Variants in ROBO2 observed in about 807,000 individuals in gnomAD.
ROBO2 encodes roundabout homolog 2.
A neutral mutation model predicts 160.8 loss-of-function variants in ROBO2; 53 were observed. That is an observed-to-expected ratio of 0.33 (90% confidence interval 0.26 to 0.41). ROBO2 has a LOEUF of 0.41. Among genes scored for constraint, ROBO2 ranks in the 10% least tolerant of loss-of-function variants. ROBO2 has a pLI of 1.00. For missense variants in ROBO2, 1,577 were observed against 1,722.4 expected, an observed-to-expected ratio of 0.92 and a Z score of 1.49; for synonymous variants, 664 against 611.7, an observed-to-expected ratio of 1.09 and a Z score of -1.26.
At chr3:76,654,929 T>TATATATATATATATATATA (rs5850279) in intron 2 of ROBO2, among the ~76,000 whole-genome samples, 73 of 141,436 alleles carry the variant, frequency 5.2e-4, no homozygotes, top group Non-Finnish European at 7.5e-4. Flanking sequence ...ATATATATAT[T>TATATATATATATATATATA]TATATATATA....
intron 2 of ROBO2, among the ~76,000 whole-genome samples, chr3:76,497,714 G>T (rs2080231220): frequency 6.6e-6 from 1 of 152,134 alleles, no homozygotes; most frequent in African/African-American, 2.4e-5. Flanking sequence ...CTATAATATG[G>T]GTGGGCATCC....
chr3:76,881,317 A>G (rs2073317146), intron 2 of ROBO2, among the ~76,000 whole-genome samples: 2 of 152,314 alleles, frequency 1.3e-5, no homozygotes, highest in South Asian at 2.1e-4. Flanking sequence ...ATGTATTTCT[A>G]TGTCTTAGAG....
At chr3:77,102,764 G>A (rs1214309587) in intron 2 of ROBO2, among the ~76,000 whole-genome samples, 1 of 143,790 alleles carries the variant, frequency 7.0e-6, no homozygotes, top group Non-Finnish European at 1.5e-5. Flanking sequence ...TTATGTTCTG[G>A]AACAATACAG....
intron 2 of ROBO2, among the ~76,000 whole-genome samples, chr3:76,148,689 A>T (rs1285041760): frequency 1.3e-5 from 2 of 152,014 alleles, no homozygotes; most frequent in Non-Finnish European, 2.9e-5. Flanking sequence ...GTAATAAGAA[A>T]ATTAGGAATC....
In ROBO2 at chr3:76,215,385, C is replaced by G. The variant is rs188492719; in HGVS notation, c.109+277783C>G. ...TCCGATCTAAAGGAGGAAGTTCGAA[C>G]CATGGCAAAGAAGTTAAAAACTTTG... is the stretch of plus-strand genomic sequence containing the variant. On this transcript the variant is annotated intron_variant, in intron 2 of 26. Coordinates refer to the ROBO2 transcript ENST00000487694. Among the ~76,000 whole-genome samples the G allele has an allele frequency of 5.3e-3, 806 of 152,168 alleles. 13 individuals are homozygous for G. The highest frequency in any genetic ancestry group is 0.019 in the African/African-American group (772 of 41,514).
At chr3:77,303,694 A>T (rs950805845) in intron 2 of ROBO2, among the ~76,000 whole-genome samples, 1 of 152,102 alleles carries the variant, frequency 6.6e-6, no homozygotes, top group Non-Finnish European at 1.5e-5. Context: ...AATTGTATTC[A>T]TCATTACACA....
At chr3:76,214,731 TG>T (rs1040573150) in intron 2 of ROBO2, among the ~76,000 whole-genome samples, 1 of 152,202 alleles carries the variant, frequency 6.6e-6, no homozygotes, top group African/African-American at 2.4e-5. Flanking sequence ...GCTCCACCTC[TG>T]GGGGCAGGGC....
chr3:76,086,247 G>A (rs558102287), intron 2 of ROBO2, among the ~76,000 whole-genome samples: 109 of 152,192 alleles, frequency 7.2e-4, no homozygotes, highest in African/African-American at 2.4e-3. Context: ...AAAGCGAAGC[G>A]GAGGAAAAGC....
chr3:76,282,187 TGTTTA>T (rs1199381617), intron 2 of ROBO2, among the ~76,000 whole-genome samples: 1 of 152,046 alleles, frequency 6.6e-6, no homozygotes, highest in Non-Finnish European at 1.5e-5. Context: ...GATTTCCAAC[TGTTTA>T]GTTGGGGGTT....
chr3:76,804,118 C>T (rs1159528090), intron 2 of ROBO2, among the ~76,000 whole-genome samples: 2 of 152,064 alleles, frequency 1.3e-5, no homozygotes, highest in African/African-American at 2.4e-5. Flanking sequence ...GAGTGATGGT[C>T]ACATTCTCTT....
intron 2 of ROBO2, among the ~76,000 whole-genome samples, chr3:77,161,381 A>G (rs576394874): frequency 1.3e-5 from 2 of 152,318 alleles, no homozygotes; most frequent in South Asian, 2.1e-4. Context: ...TTAATTTAGT[A>G]TAGTATTAAA....
At chr3:76,504,491 A>G (rs1331127413) in intron 2 of ROBO2, among the ~76,000 whole-genome samples, 1 of 148,998 alleles carries the variant, frequency 6.7e-6, no homozygotes, top group African/African-American at 2.5e-5. Flanking sequence ...CCTTCACTAA[A>G]TGTTCATCAG....
At chr3:77,326,060 A>G (rs1430509477) in intron 2 of ROBO2, among the ~76,000 whole-genome samples, 6 of 152,220 alleles carry the variant, frequency 3.9e-5, no homozygotes, top group Admixed American at 1.3e-4. Context: ...GAAAATAGCA[A>G]TTAGCACCTT....
intron 2 of ROBO2, among the ~76,000 whole-genome samples, chr3:77,413,340 G>T (rs531336015): frequency 6.6e-6 from 1 of 152,236 alleles, no homozygotes; most frequent in South Asian, 2.1e-4. Flanking sequence ...CGAAAAGCGA[G>T]GAGTTCCATG....
At chr3:77,211,486 C>A (rs1455084540) in intron 2 of ROBO2, among the ~76,000 whole-genome samples, 1 of 152,124 alleles carries the variant, frequency 6.6e-6, no homozygotes, top group Non-Finnish European at 1.5e-5. Context: ...TGGATATTAG[C>A]CCTTTGTCAG....
At chr3:76,142,949 T>TAA (rs986579555) in intron 2 of ROBO2, among the ~76,000 whole-genome samples, 1 of 151,806 alleles carries the variant, frequency 6.6e-6, no homozygotes, top group African/African-American at 2.4e-5. Flanking sequence ...CCCACAAAAA[T>TAA]AAAAATAAAA....
chr3:76,546,882 C>G (rs1490409277), intron 2 of ROBO2, among the ~76,000 whole-genome samples: 2 of 151,804 alleles, frequency 1.3e-5, no homozygotes, highest in African/African-American at 4.8e-5. Flanking sequence ...AAGCCAAATT[C>G]AAACTACTGA....
intron 16 of ROBO2, among the ~76,000 whole-genome samples, chr3:77,581,051 A>AT (rs1157733941): frequency 1.3e-5 from 2 of 152,216 alleles, no homozygotes; most frequent in South Asian, 2.1e-4. Flanking sequence ...ATAACCTGTG[A>AT]TTTTAACTTA....
intron 2 of ROBO2, among the ~76,000 whole-genome samples, chr3:76,644,065 A>G (rs1254542789): frequency 1.3e-5 from 2 of 152,224 alleles, no homozygotes; most frequent in Non-Finnish European, 2.9e-5. Flanking sequence ...TAAAAACTAC[A>G]TGTGACACTA....
Sources: gnomAD v4.1 joint callset for allele counts (sites outside exome capture counted in the v4.1 genomes callset) on GRCh38, gnomAD v4.1.1 for gene constraint, MANE v1.5 for transcripts, NCBI Gene and HGNC (gene_info 2026-07-23, HGNC 2026-07-21) for gene names.